The following TSPEAR variants were observed in gnomAD, a reference collection of about 807,000 sequenced individuals.
The protein encoded by TSPEAR is thrombospondin-type laminin G domain and EAR repeat-containing protein.
A neutral mutation model predicts 71.6 loss-of-function variants in TSPEAR; 69 were observed. The observed-to-expected ratio is 0.96, with a 90% CI of 0.79 to 1.18. The LOEUF is 1.18. Among genes scored for constraint, TSPEAR ranks in the 50% most tolerant of loss-of-function variants. The pLI, the probability that TSPEAR is intolerant of heterozygous loss-of-function variation, is 0.00. For synonymous variants in TSPEAR, 402 were observed against 387.2 expected (o/e 1.04, Z -0.45); for missense variants, 971 against 894.9 (o/e 1.09, Z -1.09).
chr21:44,695,737 C>T lies in TSPEAR; in HGVS notation c.82+15696G>A, dbSNP rs191862260. On this transcript the variant is annotated intron_variant, in intron 1 of 11. Coordinates refer to ENST00000323084, the MANE Select transcript of TSPEAR (RefSeq NM_144991.3). The surrounding 1 kb of genome is among the most constrained non-coding windows in gnomAD (Gnocchi z 4.5). ...CGCCAGGGTTCTCATCTCACCGCAG[C>T]GGGACAGGGGTACACGCCACACACC... Among the ~76,000 whole-genome samples, 13 of 152,176 alleles carry T rather than the reference C, an allele frequency of 8.5e-5. No homozygotes were observed. The highest frequency in any genetic ancestry group is 4.1e-4 in the South Asian group (2 of 4,832).
intron 1 of TSPEAR, among the ~76,000 whole-genome samples, chr21:44,597,620 C>A (rs1471857819): frequency 6.6e-6 from 1 of 151,918 alleles, no homozygotes. Flanking sequence ...TTAGTAGAGA[C>A]AGGGCTTTAC....
intron 2 of TSPEAR, chr21:44,557,912 C>T (rs962651946): frequency 1.4e-5 from 14 of 1,016,462 alleles, no homozygotes; most frequent in African/African-American, 8.2e-5. Context: ...TGGAGGGAAT[C>T]GGCATGAAAG....
At chr21:44,563,236 T>C (rs2053661872) in intron 2 of TSPEAR, among the ~76,000 whole-genome samples, 1 of 152,178 alleles carries the variant, frequency 6.6e-6, no homozygotes, top group African/African-American at 2.4e-5. Flanking sequence ...TTCTTTCTTC[T>C]CTGAGCATCT....
At chr21:44,666,157 G>C (rs1254122938) in intron 1 of TSPEAR, 1 of 430,372 alleles carries the variant, frequency 2.3e-6, no homozygotes, top group Non-Finnish European at 4.1e-6. Flanking sequence ...AGGGAGTATG[G>C]AAATAAAAAA....
At chr21:44,669,185 G>A (rs1555945411) in intron 1 of TSPEAR, among the ~76,000 whole-genome samples, 1 of 152,218 alleles carries the variant, frequency 6.6e-6, no homozygotes, top group Non-Finnish European at 1.5e-5. Context: ...AGCACTTTGG[G>A]AGGGCAAGGC....
At chr21:44,503,404 G>A (rs2052094591) in intron 11 of TSPEAR, among the ~76,000 whole-genome samples, 1 of 134,728 alleles carries the variant, frequency 7.4e-6, no homozygotes, top group Non-Finnish European at 1.6e-5. Context: ...AAGGCTCTGG[G>A]AGGAGGCCGG....
At chr21:44,699,398 A>AG (rs1157282592) in intron 1 of TSPEAR, among the ~76,000 whole-genome samples, 1 of 147,022 alleles carries the variant, frequency 6.8e-6, no homozygotes, top group African/African-American at 2.5e-5. Flanking sequence ...AAAAAAAAAA[A>AG]GGGTTGGGGA....
Position 44,612,322 on chromosome 21 carries a change from G to C in TSPEAR, c.83-44317C>G, listed in dbSNP as rs147819404. The C allele has an allele frequency of 9.4e-4, 1,510 of 1,613,568 alleles. 14 individuals are homozygous for C. The African/African-American group carries it at 0.017, about 18-fold the overall frequency. On this transcript the variant is annotated intron_variant, in intron 1 of 11. Transcript: ENST00000323084. The surrounding 1 kb of genome is among the most constrained non-coding windows in gnomAD (Gnocchi z 4.1). ...GTGCCCCAGCCCCCTGCCTGGCCCT[G>C]GTCTGTGCCCCAGTGAGCTGTGAGC...
chr21:44,544,956 TGAA>T (rs1555917592), intron 2 of TSPEAR, among the ~76,000 whole-genome samples: 1 of 150,958 alleles, frequency 6.6e-6, no homozygotes, highest in African/African-American at 2.4e-5. Context: ...TGGACAGACA[TGAA>T]GAAAGAAATA....
rs199545235 is a variant in TSPEAR at position 44,574,095 on chromosome 21, G to A, written c.83-6090C>T. ...CTGCCAGCAGGCCTGCTGCGTGCCC[G>A]TCTGCTGCAAGACTGTCTGCTGCAA... On this transcript the variant is annotated intron_variant, in intron 1 of 11. Transcript: ENST00000323084. 4.3e-5 allele frequency: 69 copies of A among 1,607,736 alleles called. No homozygotes were observed. The highest frequency in any genetic ancestry group is 1.5e-4 in the African/African-American group (11 of 73,766).
chr21:44,552,759 A>C (rs1361106054), intron 2 of TSPEAR, among the ~76,000 whole-genome samples: 3 of 152,124 alleles, frequency 2.0e-5, no homozygotes, highest in African/African-American at 7.2e-5. Flanking sequence ...CCCTCCCTGC[A>C]CACCTGCCTC....
At chr21:44,636,572 C>A (rs1983580974) in intron 1 of TSPEAR, among the ~76,000 whole-genome samples, 1 of 152,190 alleles carries the variant, frequency 6.6e-6, no homozygotes, top group African/African-American at 2.4e-5. Context: ...TAGAGTAAGA[C>A]CAGGCGTCCG....
Position 44,530,719 on chromosome 21 carries a change from C to T in TSPEAR, c.633+324G>A, listed in dbSNP as rs148469528. Among the ~76,000 whole-genome samples the T allele has an allele frequency of 7.3e-3, 1,109 of 152,336 alleles. 12 individuals carry two copies. The highest frequency in any genetic ancestry group is 0.026 in the African/African-American group (1,065 of 41,568). On this transcript the variant is annotated intron_variant, in intron 4 of 11. Transcript: ENST00000323084. Reference sequence around the variant, plus strand: ...TGGAGACACAGGCACCGAGCAGACACCCAGCTGGCCTGAGAGCAGCAGGCC... The same window carrying T: ...TGGAGACACAGGCACCGAGCAGACATCCAGCTGGCCTGAGAGCAGCAGGCC...
intron 1 of TSPEAR, among the ~76,000 whole-genome samples, chr21:44,691,303 T>C (rs1569262296): frequency 6.6e-6 from 1 of 152,198 alleles, no homozygotes; most frequent in African/African-American, 2.4e-5. Context: ...CACCCCTATG[T>C]CTCTAACGTA....
Position 44,507,949 on chromosome 21 carries a change from TTTTC to T in TSPEAR, c.1754+1246_1754+1249del, listed in dbSNP as rs2052243104. On this transcript the variant is annotated intron_variant, in intron 10 of 11. Coordinates refer to ENST00000323084, the MANE Select transcript of TSPEAR (RefSeq NM_144991.3). Reference sequence around the variant, plus strand: ...CCCAGCAGACACCGCCGCTGGCTCTTTTTCTTTATTATGAGTGTTCTTTTTTTAA... The same window carrying T: ...CCCAGCAGACACCGCCGCTGGCTCTTTTTATTATGAGTGTTCTTTTTTTAA... 3.3e-5 allele frequency: 5 copies of T among 152,130 alleles called. 1 individual carries two copies. The highest frequency in any genetic ancestry group is 4.1e-4 in the South Asian group (2 of 4,832). 9.4% of individuals were successfully genotyped at this position (152,130 alleles called of 1,614,324 possible). A position where few individuals can be genotyped will look rare whatever the true frequency, so the allele number is the denominator to read the frequency against.
At chr21:44,665,371 G>A (rs1325230595) in intron 1 of TSPEAR, among the ~76,000 whole-genome samples, 1 of 152,194 alleles carries the variant, frequency 6.6e-6, no homozygotes. Context: ...CCATCTACTG[G>A]GGAACGTTTA....
chr21:44,636,560 C>A (rs1555936716), intron 1 of TSPEAR, among the ~76,000 whole-genome samples: 1 of 152,214 alleles, frequency 6.6e-6, no homozygotes, highest in Non-Finnish European at 1.5e-5. Flanking sequence ...AAAGTGCAAA[C>A]ATAGAGTAAG....
At chr21:44,601,389 C>A in intron 1 of TSPEAR, 1 of 1,612,588 alleles carries the variant, frequency 6.2e-7, no homozygotes, top group Non-Finnish European at 8.5e-7. Context: ...CAGCTTGCTG[C>A]ACCTCCTCCC....
chr21:44,692,121 T>G (rs1030297262), intron 1 of TSPEAR, among the ~76,000 whole-genome samples: 12 of 152,178 alleles, frequency 7.9e-5, no homozygotes, highest in African/African-American at 1.4e-4. Context: ...TGATCTCAAT[T>G]AACAAAGAAA....
Sources: gnomAD v4.1 joint callset for allele counts (sites outside exome capture counted in the v4.1 genomes callset) on GRCh38, gnomAD v4.1.1 for gene constraint, Gnocchi (gnomAD v3.1) non-coding constraint, MANE v1.5 for transcripts, NCBI Gene and HGNC (gene_info 2026-07-23, HGNC 2026-07-21) for gene names.